Variants in TENM2 observed in about 807,000 individuals in gnomAD.
TENM2 encodes the protein teneurin transmembrane protein 2.
TENM2 carries 52 observed loss-of-function variants against 245.2 expected under a neutral mutation model. That is an observed-to-expected ratio of 0.21 (90% CI 0.17 to 0.27). The LOEUF is 0.27. TENM2 is among the 10% of genes least tolerant of loss of function. TENM2 has a pLI of 1.00. For synonymous variants in TENM2, 1,363 were observed against 1,438.9 expected (o/e 0.95, Z 1.19); for missense variants, 3,046 against 3,666.8 (o/e 0.83, Z 4.37).
At chr5:168,192,339 C>G (rs553133764) in intron 14 of TENM2, among the ~76,000 whole-genome samples, 1 of 152,282 alleles carries the variant, frequency 6.6e-6, no homozygotes, top group East Asian at 1.9e-4. Context: ...TACTATGACT[C>G]TAAGACTAGT....
At chr5:167,053,994 C>T in the TENM2 span, among the ~76,000 whole-genome samples, 1 of 152,162 alleles carries the variant, frequency 6.6e-6, no homozygotes, top group African/African-American at 2.4e-5. Context: ...AGAACATCCT[C>T]CACCCGTGGT....
the TENM2 span, among the ~76,000 whole-genome samples, chr5:167,185,227 G>A: frequency 6.6e-6 from 1 of 152,068 alleles, no homozygotes; most frequent in East Asian, 1.9e-4. Flanking sequence ...GGAGAGAAGG[G>A]CCATAATTAG....
chr5:167,109,409 C>A, the TENM2 span, among the ~76,000 whole-genome samples: 1 of 151,784 alleles, frequency 6.6e-6, no homozygotes, highest in East Asian at 1.9e-4. Context: ...ATATATGGAT[C>A]AATTTTGCAT....
At chr5:167,235,509 G>T in the TENM2 span, among the ~76,000 whole-genome samples, 1 of 152,218 alleles carries the variant, frequency 6.6e-6, no homozygotes. Flanking sequence ...TCACATAACT[G>T]AAAAGTTTAG....
the TENM2 span, among the ~76,000 whole-genome samples, chr5:167,098,287 T>A: frequency 6.6e-6 from 1 of 152,220 alleles, no homozygotes; most frequent in Non-Finnish European, 1.5e-5. Flanking sequence ...AGGAGAATGG[T>A]TATAATCGTA....
At chr5:167,566,805 C>A (rs1475669430) in intron 2 of TENM2, among the ~76,000 whole-genome samples, 1 of 152,152 alleles carries the variant, frequency 6.6e-6, no homozygotes, top group Non-Finnish European at 1.5e-5. Flanking sequence ...CCATGGGAAG[C>A]AGAGATTTAA....
At chr5:167,570,610 G>C (rs969247878) in intron 2 of TENM2, among the ~76,000 whole-genome samples, 7 of 152,006 alleles carry the variant, frequency 4.6e-5, no homozygotes, top group African/African-American at 1.7e-4. Flanking sequence ...GCGGTGTTAC[G>C]ATCTCTGGTG....
intron 2 of TENM2, among the ~76,000 whole-genome samples, chr5:167,793,465 A>G (rs909697896): frequency 6.6e-6 from 1 of 152,128 alleles, no homozygotes; most frequent in African/African-American, 2.4e-5. Flanking sequence ...CCATTCTTTC[A>G]TCTTTTTCTC....
chr5:167,914,417 T>C (rs1045860034), intron 3 of TENM2, among the ~76,000 whole-genome samples: 15 of 152,204 alleles, frequency 9.9e-5, no homozygotes, highest in Non-Finnish European at 1.5e-4. Flanking sequence ...CTCATGCTCC[T>C]GTCTCTCTGG....
At chr5:167,910,904 CTT>C (rs1158956770) in intron 3 of TENM2, among the ~76,000 whole-genome samples, 1 of 152,136 alleles carries the variant, frequency 6.6e-6, no homozygotes, top group East Asian at 1.9e-4. Context: ...CTCAGATTCT[CTT>C]TGGATCTCTG....
chr5:167,379,871 A>C (rs11749791), intron 2 of TENM2, among the ~76,000 whole-genome samples: 22,270 of 151,306 alleles, frequency 0.15, 1,847 homozygotes, highest in Non-Finnish European at 0.19. Flanking sequence ...GCCAATTTCC[A>C]TGGAACCTAA....
intron 1 of TENM2, among the ~76,000 whole-genome samples, chr5:167,366,442 A>G (rs949154789): frequency 6.6e-6 from 1 of 152,134 alleles, no homozygotes; most frequent in Non-Finnish European, 1.5e-5. Context: ...GGTTATTCTG[A>G]TGCAGGCAAC....
At chr5:167,323,311 G>C (rs995147862) in intron 1 of TENM2, among the ~76,000 whole-genome samples, 20 of 152,174 alleles carry the variant, frequency 1.3e-4, no homozygotes, top group African/African-American at 4.8e-4. Context: ...GGCTGGTTCA[G>C]AATTTGAACT....
the TENM2 span, among the ~76,000 whole-genome samples, chr5:166,985,601 G>A: frequency 6.6e-6 from 1 of 152,118 alleles, no homozygotes; most frequent in East Asian, 1.9e-4. Flanking sequence ...GACGCAGTCA[G>A]ATGAAACCAA....
chr5:167,815,231 T>C (rs1378194565), intron 2 of TENM2, among the ~76,000 whole-genome samples: 1 of 152,150 alleles, frequency 6.6e-6, no homozygotes, highest in Non-Finnish European at 1.5e-5. Flanking sequence ...GATGTGCCTT[T>C]CAGAGAAGGA....
chr5:168,140,763 C>G lies in TENM2; in HGVS notation c.2422+13797C>G, dbSNP rs74794243. On this transcript the variant is annotated intron_variant, in intron 12 of 28. Transcript: ENST00000518659. ...CTAATAATTTGTGCTGCTTGGGAAC[C>G]CTGTGTCCCTTTCTCTTCCTTATGC... Among the ~76,000 whole-genome samples, 19 of 152,238 alleles carry G rather than the reference C, an allele frequency of 1.2e-4. No individual in the cohort carries two copies. In the East Asian group the frequency reaches 3.7e-3, roughly 29 times the overall value.
At chr5:168,165,847 G>A (rs1330754315) in intron 13 of TENM2, 2 of 150,026 alleles carry the variant, frequency 1.3e-5, no homozygotes, top group African/African-American at 4.9e-5. Flanking sequence ...GAAACTCCCA[G>A]TTAATTCAGA....
intron 2 of TENM2, among the ~76,000 whole-genome samples, chr5:167,594,823 C>T (rs141376452): frequency 4.6e-5 from 7 of 152,136 alleles, no homozygotes; most frequent in African/African-American, 1.2e-4. Flanking sequence ...AAATCTGATC[C>T]GTTCACTTAT....
intron 3 of TENM2, among the ~76,000 whole-genome samples, chr5:167,903,802 G>A (rs951964870): frequency 2.0e-5 from 3 of 152,184 alleles, no homozygotes; most frequent in Non-Finnish European, 2.9e-5. Flanking sequence ...AGTGGTTCCT[G>A]GGAAAGCACA....
Sources: gnomAD v4.1 joint callset for allele counts (sites outside exome capture counted in the v4.1 genomes callset) on GRCh38, gnomAD v4.1.1 for gene constraint, MANE v1.5 for transcripts, NCBI Gene and HGNC (gene_info 2026-07-23, HGNC 2026-07-21) for gene names.